The following AGPAT4 variants were observed in gnomAD, a reference collection of about 807,000 sequenced individuals.
AGPAT4 encodes 1-acyl-sn-glycerol-3-phosphate acyltransferase delta.
Under a neutral mutation model 48.0 loss-of-function variants are expected in AGPAT4, and 15 were observed. The ratio of observed to expected loss-of-function variants is 0.31; its 90% CI spans 0.21 to 0.48. The LOEUF is 0.48. Among genes scored for constraint, AGPAT4 ranks in the 20% least tolerant of loss-of-function variants. The pLI, the probability that AGPAT4 is intolerant of heterozygous loss-of-function variation, is 0.99. For synonymous variants in AGPAT4, 178 were observed against 198.7 expected (o/e 0.90, Z 0.88); for missense variants, 314 against 482.5 (o/e 0.65, Z 3.27).
In AGPAT4 at chr6:161,198,754, T is replaced by A. The variant is rs928090054; in HGVS notation, c.179-32337A>T. ...CTGGGAACACTATATGCAGTCTGTT[T>A]TTTCCTTTACACTGACGGAGTGCGT... On this transcript the variant is annotated intron_variant, in intron 2 of 8. Coordinates refer to ENST00000320285, the MANE Select transcript of AGPAT4 (RefSeq NM_020133.3). The surrounding 1 kb of genome is among the most constrained non-coding windows in gnomAD (Gnocchi z 4.3). Among the ~76,000 whole-genome samples the A allele has an allele frequency of 6.6e-6, 1 of 152,176 alleles. No homozygotes were observed. Among genetic ancestry groups the A allele is most frequent in the Admixed American group, 6.5e-5 (1 of 15,280 alleles).
intron 2 of AGPAT4, among the ~76,000 whole-genome samples, chr6:161,228,719 C>A (rs1782049688): frequency 6.9e-6 from 1 of 145,336 alleles, no homozygotes; most frequent in South Asian, 2.2e-4. Context: ...AATGGCATAT[C>A]CTGCTTAGTG....
chr6:161,270,987 AAAGTCTAGTGT>A lies in AGPAT4; in HGVS notation c.-90+2940_-90+2950del, dbSNP rs1371801709. 6.6e-6 allele frequency among the ~76,000 whole-genome samples: 1 copy of A among 152,228 alleles called. No homozygotes were observed. Among genetic ancestry groups the A allele is most frequent in the African/African-American group, 2.4e-5 (1 of 41,456 alleles). ...GTCTTCCCCAGTTTCATACCTGTTT[AAAGTCTAGTGT>A]AAGTCTGGCCTTTCGTTGTTAAGCT... On this transcript the variant is annotated intron_variant, in intron 1 of 8. Transcript: ENST00000320285. This position sits in a 1 kb window ranked among gnomAD's most constrained non-coding sequence, Gnocchi z 5.3.
At chr6:161,175,074 A>G (rs1780390936) in intron 2 of AGPAT4, among the ~76,000 whole-genome samples, 1 of 152,176 alleles carries the variant, frequency 6.6e-6, no homozygotes, top group African/African-American at 2.4e-5. Flanking sequence ...GAATTTTTGC[A>G]TCGATGTTCA....
Position 161,259,666 on chromosome 6 carries a change from A to G in AGPAT4, c.-90+14272T>C, listed in dbSNP as rs1361909317. On this transcript the variant is annotated intron_variant, in intron 1 of 8. Coordinates refer to ENST00000320285, the MANE Select transcript of AGPAT4 (RefSeq NM_020133.3). This position sits in a 1 kb window ranked among gnomAD's most constrained non-coding sequence, Gnocchi z 4.9. The stretch of plus-strand genomic sequence containing the variant: ...CAAGGGAGAGCAGAGCCTTACCCCA[A>G]CTGTGGGGTCCCAGGTCACCGCACA... Among the ~76,000 whole-genome samples, 1 of 152,116 alleles carries G rather than the reference A, an allele frequency of 6.6e-6. No homozygotes were observed. The highest frequency in any genetic ancestry group is 1.5e-5 in the Non-Finnish European group (1 of 68,020).
chr6:161,196,930 C>A lies in AGPAT4; in HGVS notation c.179-30513G>T, dbSNP rs140610597. Among the ~76,000 whole-genome samples the A allele has an allele frequency of 4.3e-3, 656 of 152,080 alleles. 9 individuals carry two copies. Among genetic ancestry groups the A allele is most frequent in the African/African-American group, 0.015 (622 of 41,498 alleles). On this transcript the variant is annotated intron_variant, in intron 2 of 8. Transcript: ENST00000320285. The surrounding 1 kb of genome is among the most constrained non-coding windows in gnomAD (Gnocchi z 4.3). ...CACTGACCAAACATTTGGGCACTTACTGGGTGCCCGGAACTGCTCCAGGCA... is the reference window on the plus strand; with the variant it reads ...CACTGACCAAACATTTGGGCACTTAATGGGTGCCCGGAACTGCTCCAGGCA...
rs192737955 is a variant in AGPAT4, at chr6:161,166,225, G to A, written c.348+23C>T. 2.5e-6 allele frequency: 4 copies of A among 1,611,316 alleles called. No individual in the cohort carries two copies. Among genetic ancestry groups the A allele is most frequent in the African/African-American group, 1.3e-5 (1 of 74,906 alleles). On this transcript the variant is annotated intron_variant, in intron 3 of 8. Transcript: ENST00000320285. This position sits in a 1 kb window ranked among gnomAD's most constrained non-coding sequence, Gnocchi z 6.7. ...TGAACCAGAGAAATGTGTGAGGCAG[G>A]GGGGAATGCACTTCTGACTTACCCC...
chr6:161,152,319 C>T (rs909346745), intron 5 of AGPAT4, among the ~76,000 whole-genome samples: 12 of 151,938 alleles, frequency 7.9e-5, no homozygotes, highest in Admixed American at 2.0e-4. Context: ...GGGCACAGCC[C>T]GCCTGGCCTG....
In AGPAT4 at chr6:161,136,353, A is replaced by G. The variant is rs917060383; in HGVS notation, c.*187T>C. 5.0e-6 allele frequency: 3 copies of G among 596,944 alleles called. No individual in the cohort carries two copies. The highest frequency in any genetic ancestry group is 8.9e-6 in the Non-Finnish European group (3 of 335,654). The allele number at this position is 596,944 out of a possible 1,614,324, so 37.0% of individuals were successfully genotyped here. A position where few individuals can be genotyped will look rare whatever the true frequency, so the allele number is the denominator to read the frequency against. On this transcript the variant is annotated 3_prime_UTR_variant, in exon 9 of 9. Transcript: ENST00000320285. ...CAAAGCCCACTAAAGCACATGGGGA[A>G]AAAAAGATTACAAAACATCTTCCTC...
rs1186326859 is a variant in AGPAT4 at position 161,189,728 on chromosome 6, C to T, written c.179-23311G>A. ...CTGTCTCCACCTGCCCCTTCCTCAC[C>T]CACCGCCCTCCTAACCCCTCTCTCC... On this transcript the variant is annotated intron_variant, in intron 2 of 8. Coordinates refer to ENST00000320285, the MANE Select transcript of AGPAT4 (RefSeq NM_020133.3). This position sits in a 1 kb window ranked among gnomAD's most constrained non-coding sequence, Gnocchi z 5.3. 1.3e-5 allele frequency among the ~76,000 whole-genome samples: 2 copies of T among 152,244 alleles called. No homozygotes were observed. Among genetic ancestry groups the T allele is most frequent in the African/African-American group, 2.4e-5 (1 of 41,540 alleles).
intron 2 of AGPAT4, among the ~76,000 whole-genome samples, chr6:161,188,652 CTGGGTG>C (rs1183483627): frequency 3.3e-5 from 5 of 152,130 alleles, no homozygotes; most frequent in Admixed American, 1.3e-4. Context: ...TTAAATTTAG[CTGGGTG>C]TGCTGAATTT....
Position 161,242,766 on chromosome 6 carries a change from A to G in AGPAT4, c.-89-10464T>C, listed in dbSNP as rs542312673. Reference sequence around the variant, plus strand: ...ACAGGGGAAACGTCCACAACATTATATTCTGGTTAATAAGGAAACCTAGGC... The same window carrying G: ...ACAGGGGAAACGTCCACAACATTATGTTCTGGTTAATAAGGAAACCTAGGC... On this transcript the variant is annotated intron_variant, in intron 1 of 8. Transcript: ENST00000320285. The surrounding 1 kb of genome is among the most constrained non-coding windows in gnomAD (Gnocchi z 5.0). 5.3e-5 allele frequency among the ~76,000 whole-genome samples: 8 copies of G among 152,164 alleles called. No individual in the cohort carries two copies. The highest frequency in any genetic ancestry group is 1.2e-4 in the Non-Finnish European group (8 of 68,028).
rs374916985 is a variant in AGPAT4 at position 161,134,119 on chromosome 6, T to C, written c.*2421A>G. On this transcript the variant is annotated 3_prime_UTR_variant, in exon 9 of 9. Coordinates refer to ENST00000320285, the MANE Select transcript of AGPAT4 (RefSeq NM_020133.3). ...GTTCTTCGTGGACAGGTCAAATGAC[T>C]GATGAGAAAGAGGTCCAGATCTCTC... 2 of 152,220 alleles carry C rather than the reference T, an allele frequency of 1.3e-5. No individual in the cohort carries two copies. Among genetic ancestry groups the C allele is most frequent in the Non-Finnish European group, 2.9e-5 (2 of 68,058 alleles). 9.4% of individuals were successfully genotyped at this position (152,220 alleles called of 1,614,324 possible). A position where few individuals can be genotyped will look rare whatever the true frequency, so the allele number is the denominator to read the frequency against.
chr6:161,207,218 T>C (rs951306775), intron 2 of AGPAT4, among the ~76,000 whole-genome samples: 1 of 152,234 alleles, frequency 6.6e-6, no homozygotes, highest in Non-Finnish European at 1.5e-5. Context: ...TAAATGTCTT[T>C]AACTGCTTAA....
Position 161,232,193 on chromosome 6 carries a change from C to T in AGPAT4, c.21G>A (p.Leu7=). MDLAGL[L]KSQFLCHLVF... ...CCAGGTGGCACAGGAACTGAGACTT[C>T]AGCAGTCCCGCGAGGTCCATGATGC... The change falls in exon 2 of 9, where the codon CTG becomes CTA. Residue 7 remains leucine (L), a synonymous_variant. Transcript: ENST00000320285. This position sits in a 1 kb window ranked among gnomAD's most constrained non-coding sequence, Gnocchi z 6.8. The T allele has an allele frequency of 6.2e-7, 1 of 1,613,996 alleles. No individual in the cohort carries two copies. Among genetic ancestry groups the T allele is most frequent in the Non-Finnish European group, 8.5e-7 (1 of 1,179,994 alleles).
Position 161,164,875 on chromosome 6 carries a change from T to C in AGPAT4, c.348+1373A>G, listed in dbSNP as rs1562320057. Among the ~76,000 whole-genome samples the C allele has an allele frequency of 6.6e-6, 1 of 152,108 alleles. No homozygotes were observed. The highest frequency in any genetic ancestry group is 1.5e-5 in the Non-Finnish European group (1 of 68,014). On this transcript the variant is annotated intron_variant, in intron 3 of 8. Transcript: ENST00000320285. The surrounding 1 kb of genome is among the most constrained non-coding windows in gnomAD (Gnocchi z 7.4). ...AGCATGAACACTACCAGAAAGTACTTACAAAGCCTGGAAAATCACCAGCTG... is the reference window on the plus strand; with the variant it reads ...AGCATGAACACTACCAGAAAGTACTCACAAAGCCTGGAAAATCACCAGCTG...
At chr6:161,256,218 C>T (rs899506062) in intron 1 of AGPAT4, among the ~76,000 whole-genome samples, 7 of 152,152 alleles carry the variant, frequency 4.6e-5, no homozygotes, top group Non-Finnish European at 8.8e-5. Context: ...TACCCTGGAT[C>T]CTGAGTATAG....
Position 161,143,158 on chromosome 6 carries a change from C to G in AGPAT4, c.843+3366G>C, listed in dbSNP as rs7752907. 0.31 allele frequency among the ~76,000 whole-genome samples: 47,439 copies of G among 152,134 alleles called. 10,053 individuals carry two copies. Among genetic ancestry groups the G allele is most frequent in the African/African-American group, 0.61 (25,317 of 41,488 alleles). On this transcript the variant is annotated intron_variant, in intron 7 of 8. Coordinates refer to ENST00000320285, the MANE Select transcript of AGPAT4 (RefSeq NM_020133.3). This position sits in a 1 kb window ranked among gnomAD's most constrained non-coding sequence, Gnocchi z 4.7. Reference sequence around the variant, plus strand: ...TGCAATCATAGCTCACAGTAACCTTCAACTTCTAGGCTCAAGCAATCCTCC... The same window carrying G: ...TGCAATCATAGCTCACAGTAACCTTGAACTTCTAGGCTCAAGCAATCCTCC...
chr6:161,241,826 G>A (rs1782501919), intron 1 of AGPAT4, among the ~76,000 whole-genome samples: 2 of 152,290 alleles, frequency 1.3e-5, no homozygotes, highest in South Asian at 4.1e-4. Context: ...TCCGCCTCCT[G>A]GGTTCAAGCA....
intron 2 of AGPAT4, among the ~76,000 whole-genome samples, chr6:161,227,224 G>A (rs531486728): frequency 8.5e-5 from 13 of 152,164 alleles, no homozygotes; most frequent in Non-Finnish European, 1.8e-4. Context: ...CCTCTAGTAG[G>A]TCTCCTTTTA....
Sources: gnomAD v4.1 joint callset for allele counts (sites outside exome capture counted in the v4.1 genomes callset) on GRCh38, gnomAD v4.1.1 for gene constraint, Gnocchi (gnomAD v3.1) non-coding constraint, MANE v1.5 for transcripts, NCBI Gene and HGNC (gene_info 2026-07-23, HGNC 2026-07-21) for gene names.